The following ATP13A5 variants were observed in gnomAD, a reference collection of about 807,000 sequenced individuals.
ATP13A5 encodes ATPase 13A5.
A neutral mutation model predicts 150.2 loss-of-function variants in ATP13A5; 149 were observed. The ratio of observed to expected loss-of-function variants is 0.99; its 90% CI spans 0.87 to 1.14. ATP13A5 has a LOEUF of 1.14. ATP13A5 is among the 50% of genes most tolerant of loss of function. ATP13A5 has a pLI of 0.00. For synonymous variants in ATP13A5, 497 were observed against 522.2 expected, an observed-to-expected ratio of 0.95 and a Z score of 0.66; for missense variants, 1,383 against 1,449.3, an observed-to-expected ratio of 0.95 and a Z score of 0.74.
chr3:193,297,015 G>C (rs979784044), intron 25 of ATP13A5, among the ~76,000 whole-genome samples: 3 of 152,072 alleles, frequency 2.0e-5, no homozygotes, highest in African/African-American at 7.2e-5. Flanking sequence ...TGGATGCTGG[G>C]CTTAATACCT....
chr3:193,302,849 G>C (rs542968906), intron 23 of ATP13A5, among the ~76,000 whole-genome samples: 1 of 152,104 alleles, frequency 6.6e-6, no homozygotes, highest in Non-Finnish European at 1.5e-5. Context: ...AGTAAAATGA[G>C]CCTAACAGAG....
In ATP13A5 at chr3:193,333,682, A is replaced by G. The variant is rs1472113142; in HGVS notation, c.1272+68T>C. On this transcript the variant is annotated intron_variant, in intron 11 of 29. Coordinates refer to ENST00000342358, the MANE Select transcript of ATP13A5 (RefSeq NM_198505.4). ...TGGGATCAAGATGTAACCTAAACCA[A>G]TCCTCTGAGTTAGGTCAAGCTCTTT... 4.9e-6 allele frequency: 7 copies of G among 1,442,670 alleles called. No individual in the cohort carries two copies. The Admixed American group carries it at 5.7e-5, about 12-fold the overall frequency. The allele number at this position is 1,442,670 out of a possible 1,614,324, so 89.4% of individuals were successfully genotyped here.
At chr3:193,310,803 G>C (rs1718815513) in intron 20 of ATP13A5, 86 bp from the exon 21 acceptor site, 2 of 973,342 alleles carry the variant, frequency 2.1e-6, no homozygotes, top group African/African-American at 1.7e-5. Context: ...AATCACTCCT[G>C]GTTACTAATT....
At chr3:193,376,809 T>G (rs1283135276) in intron 1 of ATP13A5, among the ~76,000 whole-genome samples, 1 of 152,184 alleles carries the variant, frequency 6.6e-6, no homozygotes, top group African/African-American at 2.4e-5. Flanking sequence ...AGTCACAGCT[T>G]CCACAGTTCG....
chr3:193,328,963 T>G (rs1711519394), intron 12 of ATP13A5, among the ~76,000 whole-genome samples: 1 of 152,152 alleles, frequency 6.6e-6, no homozygotes, highest in Non-Finnish European at 1.5e-5. Flanking sequence ...CACACAGAGA[T>G]GGGCCGGGCA....
Position 193,296,109 on chromosome 3 carries a change from T to G in ATP13A5, c.2848+3022A>C, listed in dbSNP as rs531435567. Among the ~76,000 whole-genome samples the G allele has an allele frequency of 9.2e-5, 14 of 152,192 alleles. 1 individual carries two copies. Among genetic ancestry groups the G allele is most frequent in the African/African-American group, 3.4e-4 (14 of 41,542 alleles). On this transcript the variant is annotated intron_variant, in intron 25 of 29. Coordinates refer to ENST00000342358, the MANE Select transcript of ATP13A5 (RefSeq NM_198505.4). ...TAGAGCTAGCTATCCTGGAAGGAGTTTATGAATGTGGCAGCCTGCTGGGGG... is the reference window on the plus strand; with the variant it reads ...TAGAGCTAGCTATCCTGGAAGGAGTGTATGAATGTGGCAGCCTGCTGGGGG...
chr3:193,309,716 A>G (rs1718766378), intron 21 of ATP13A5, among the ~76,000 whole-genome samples: 1 of 152,164 alleles, frequency 6.6e-6, no homozygotes, highest in South Asian at 2.1e-4. Context: ...CCCTGTCACA[A>G]GGAACTGAGG....
At chr3:193,323,151 T>C (rs1719344857) in intron 14 of ATP13A5, 1 of 152,388 alleles carries the variant, frequency 6.6e-6, no homozygotes, top group African/African-American at 2.4e-5. Context: ...CAGTCATATA[T>C]ATAAATAGTA....
intron 9 of ATP13A5, among the ~76,000 whole-genome samples, chr3:193,340,013 A>T (rs909516173): frequency 5.9e-5 from 9 of 152,206 alleles, no homozygotes; most frequent in African/African-American, 1.7e-4. Context: ...TTGCATATTA[A>T]TAAGAAGCCT....
chr3:193,275,844 TAAAC>T (rs1262313891), intron 29 of ATP13A5, among the ~76,000 whole-genome samples: 3 of 152,346 alleles, frequency 2.0e-5, no homozygotes, highest in East Asian at 3.9e-4. Flanking sequence ...CTTTCTGTGG[TAAAC>T]AATTTTTATG....
chr3:193,331,351 A>G, intron 11 of ATP13A5, 40 bp from the exon 12 acceptor site: 1 of 1,565,256 alleles, frequency 6.4e-7, no homozygotes. Context: ...ATAGCCCAGC[A>G]CAGCAGACTG....
At position 193,311,905 on chromosome 3, in the gene ATP13A5, G is replaced by C; in HGVS notation, c.2356C>G (p.Arg786Gly). The stretch of plus-strand genomic sequence containing the variant: ...TGGTAACAGCTTCCTCCTTCCCCAC[G>C]AGGGGTTGAACTGTTTCCAGTATGC... ...YMHTGNSSTP[R>G]GEGGSCYHFA... The change falls in exon 20 of 30, where the codon CGT (arginine) becomes GGT (glycine). Residue 786 changes from arginine (R) to glycine (G), a missense_variant. Transcript: ENST00000342358. The C allele has an allele frequency of 1.2e-6, 2 of 1,613,850 alleles. No homozygotes were observed. The highest frequency in any genetic ancestry group is 1.7e-6 in the Non-Finnish European group (2 of 1,179,866).
intron 25 of ATP13A5, among the ~76,000 whole-genome samples, chr3:193,295,274 G>C (rs1326754876): frequency 2.0e-5 from 3 of 151,904 alleles, no homozygotes; most frequent in Non-Finnish European, 2.9e-5. Context: ...TGCTCATGCT[G>C]CTTCCTTCTA....
intron 21 of ATP13A5, among the ~76,000 whole-genome samples, chr3:193,309,899 C>T (rs780444013): frequency 3.3e-5 from 5 of 152,038 alleles, no homozygotes; most frequent in Non-Finnish European, 7.4e-5. Context: ...GTTTGGAGAA[C>T]ATGTGCAGAT....
At chr3:193,315,225 A>T in intron 17 of ATP13A5, 129 bp from the exon 18 acceptor site, 1 of 991,066 alleles carries the variant, frequency 1.0e-6, no homozygotes, top group Non-Finnish European at 1.4e-6. Flanking sequence ...ATCAAAATGA[A>T]CTTAAAAGCT....
chr3:193,361,059 G>A (rs2108899595), intron 5 of ATP13A5, among the ~76,000 whole-genome samples: 1 of 152,272 alleles, frequency 6.6e-6, no homozygotes, highest in East Asian at 1.9e-4. Context: ...TGAGGTAGCT[G>A]CACTGACAGG....
Position 193,364,105 on chromosome 3 carries a change from A to C in ATP13A5, c.237+2T>G. 6.2e-7 allele frequency: 1 copy of C among 1,613,864 alleles called. No homozygotes were observed. The highest frequency in any genetic ancestry group is 8.5e-7 in the Non-Finnish European group (1 of 1,179,858). Reference sequence around the variant, plus strand: ...CAAAATAGAAAACAGAAAGGCACGCACTGTTGTCCTCAGCAAAACAGTGTC... The same window carrying C: ...CAAAATAGAAAACAGAAAGGCACGCCCTGTTGTCCTCAGCAAAACAGTGTC... On this transcript the variant is annotated splice_donor_variant, in intron 2 of 29. Coordinates refer to ENST00000342358, the MANE Select transcript of ATP13A5 (RefSeq NM_198505.4). LOFTEE classifies it high-confidence loss of function.
chr3:193,332,079 C>T (rs1249354974), intron 11 of ATP13A5, among the ~76,000 whole-genome samples: 1 of 152,124 alleles, frequency 6.6e-6, no homozygotes, highest in Non-Finnish European at 1.5e-5. Flanking sequence ...TTGTAGCTCC[C>T]CTAATTCCCA....
intron 13 of ATP13A5, among the ~76,000 whole-genome samples, chr3:193,325,949 T>C (rs1418342077): frequency 6.6e-6 from 1 of 152,214 alleles, no homozygotes; most frequent in Non-Finnish European, 1.5e-5. Flanking sequence ...ATTCCTTGCC[T>C]GTCTGGGCAA....
Sources: allele counts gnomAD v4.1 joint callset (sites outside exome capture counted in the v4.1 genomes callset), GRCh38; gene constraint gnomAD v4.1.1; transcripts MANE v1.5; gene names NCBI Gene and HGNC (gene_info 2026-07-23, HGNC 2026-07-21).